Variants in COL5A1 observed in about 807,000 individuals in gnomAD.
The protein encoded by COL5A1 is collagen alpha-1(V) chain.
COL5A1 carries 16 observed loss-of-function variants against 263.7 expected under a neutral mutation model. That is an observed-to-expected ratio of 0.06 (90% CI 0.04 to 0.09). COL5A1 has a LOEUF of 0.09. COL5A1 is among the 10% of genes least tolerant of loss of function. The pLI is 1.00. For missense variants in COL5A1, 2,036 were observed against 2,540.5 expected (o/e 0.80, Z 4.27); for synonymous variants, 1,012 against 1,004.5 (o/e 1.01, Z -0.14).
intron 9 of COL5A1, 133 bp from the exon 10 acceptor site, chr9:134,738,341 G>T (rs1227098283): frequency 2.1e-6 from 2 of 969,282 alleles, no homozygotes; most frequent in East Asian, 4.9e-5. Flanking sequence ...GTCTGTGCTC[G>T]TGACTCCCCA....
intron 28 of COL5A1, 68 bp downstream of exon 28, chr9:134,780,214 C>G: frequency 6.8e-7 from 1 of 1,466,942 alleles, no homozygotes; most frequent in Non-Finnish European, 9.6e-7. Flanking sequence ...CAGCGGGGCC[C>G]TCCCACAATG....
rs537858864 is a variant in COL5A1, at chr9:134,842,911, G to A, written c.*608G>A. ...ATATTTGTATTGTATTGTTATAAATGTTAAGTGTGCCTGGCTTTCAATCAT... is the reference window on the plus strand; with the variant it reads ...ATATTTGTATTGTATTGTTATAAATATTAAGTGTGCCTGGCTTTCAATCAT... On this transcript the variant is annotated 3_prime_UTR_variant, in exon 66 of 66. Coordinates refer to ENST00000371817, the MANE Select transcript of COL5A1 (RefSeq NM_000093.5). This position sits in a 1 kb window ranked among gnomAD's most constrained non-coding sequence, Gnocchi z 5.8. The A allele has an allele frequency of 4.3e-4, 67 of 157,622 alleles. No individual in the cohort carries two copies. In the South Asian group the frequency reaches 0.01, roughly 24 times the overall value. The allele number at this position is 157,622 out of a possible 1,614,324, so 9.8% of individuals were successfully genotyped here. A position where few individuals can be genotyped will look rare whatever the true frequency, so the allele number is the denominator to read the frequency against.
At chr9:134,831,956 G>A (rs1017318463) in intron 64 of COL5A1, among the ~76,000 whole-genome samples, 1 of 152,040 alleles carries the variant, frequency 6.6e-6, no homozygotes, top group African/African-American at 2.4e-5. Flanking sequence ...GGTAGATGGG[G>A]GCCTCTCAAA....
At chr9:134,759,899 A>ACC (rs1836236415) in intron 18 of COL5A1, among the ~76,000 whole-genome samples, 1 of 89,884 alleles carries the variant, frequency 1.1e-5, no homozygotes. Flanking sequence ...GCACACACAC[A>ACC]CCCATGCACC....
rs1830169727 is a variant in COL5A1 at position 134,843,793 on chromosome 9, G to A, written c.*1490G>A. 6.6e-6 allele frequency: 1 copy of A among 152,664 alleles called. No homozygotes were observed. The highest frequency in any genetic ancestry group is 6.5e-5 in the Admixed American group (1 of 15,290). 9.5% of individuals were successfully genotyped at this position (152,664 alleles called of 1,614,324 possible). ...CTCGGTAGATGGAGTAATGTACAAT[G>A]AACTCCATGAGTCTCTCCAGGGCTG... On this transcript the variant is annotated 3_prime_UTR_variant, in exon 66 of 66. Coordinates refer to ENST00000371817, the MANE Select transcript of COL5A1 (RefSeq NM_000093.5).
At position 134,759,443 on chromosome 9, in the gene COL5A1, ACACC is replaced by A. The variant is rs200736444; in HGVS notation, c.1935+1151_1935+1154del. Among the ~76,000 whole-genome samples, 830 of 110,194 alleles carry A rather than the reference ACACC, an allele frequency of 7.5e-3. 42 individuals carry two copies. Among genetic ancestry groups the A allele is most frequent in the African/African-American group, 0.037 (748 of 20,164 alleles). 72.3% of individuals were successfully genotyped at this position (110,194 alleles called of 152,430 possible). A position where few individuals can be genotyped will look rare whatever the true frequency, so the allele number is the denominator to read the frequency against. ...CACTCATACACACATGCACACACCC[ACACC>A]CACACACTCATACATGCACGCACAC... On this transcript the variant is annotated intron_variant, in intron 18 of 65. Transcript: ENST00000371817.
Position 134,647,703 on chromosome 9 carries a change from C to T in COL5A1, c.109+5407C>T, listed in dbSNP as rs1204814446. 3.9e-5 allele frequency among the ~76,000 whole-genome samples: 6 copies of T among 152,194 alleles called. No individual in the cohort carries two copies. Among genetic ancestry groups the T allele is most frequent in the Non-Finnish European group, 7.3e-5 (5 of 68,036 alleles). ...GGTTCTGCCGCAGGGCAAGCCGGGT[C>T]CAGCTGGATCCGACAATTTCATGTC... On this transcript the variant is annotated intron_variant, in intron 1 of 65. Coordinates refer to ENST00000371817, the MANE Select transcript of COL5A1 (RefSeq NM_000093.5). This position sits in a 1 kb window ranked among gnomAD's most constrained non-coding sequence, Gnocchi z 5.0.
Position 134,765,786 on chromosome 9 carries a change from C to A in COL5A1, c.2088+52C>A. 1 of 1,500,064 alleles carries A rather than the reference C, an allele frequency of 6.7e-7. No homozygotes were observed. Among genetic ancestry groups the A allele is most frequent in the Non-Finnish European group, 9.2e-7 (1 of 1,086,262 alleles). The allele number at this position is 1,500,064 out of a possible 1,614,324, so 92.9% of individuals were successfully genotyped here. ...CTGCCCCCATCTCGGCCTTTGAGAC[C>A]CCGCCTCCCAGCCGGTGGACGCTTG... On this transcript the variant is annotated intron_variant, in intron 21 of 65. Coordinates refer to ENST00000371817, the MANE Select transcript of COL5A1 (RefSeq NM_000093.5). The surrounding 1 kb of genome is among the most constrained non-coding windows in gnomAD (Gnocchi z 5.1).
chr9:134,820,011 A>G, intron 57 of COL5A1, 105 bp from the exon 58 acceptor site: 3 of 876,604 alleles, frequency 3.4e-6, no homozygotes, highest in Non-Finnish European at 5.9e-6. Context: ...ACCATGATGT[A>G]AAGCTTCCTG....
intron 19 of COL5A1, among the ~76,000 whole-genome samples, chr9:134,763,239 G>A (rs930111169): frequency 6.6e-6 from 1 of 152,196 alleles, no homozygotes; most frequent in Non-Finnish European, 1.5e-5. Context: ...AGCCAGGGAG[G>A]CATTCCCTTC....
At position 134,773,527 on chromosome 9, in the gene COL5A1, G is replaced by A. The variant is rs535710905; in HGVS notation, c.2331+693G>A. Among the ~76,000 whole-genome samples, 10 of 152,330 alleles carry A rather than the reference G, an allele frequency of 6.6e-5. No homozygotes were observed. The South Asian group carries it at 1.7e-3, about 25-fold the overall frequency. On this transcript the variant is annotated intron_variant, in intron 26 of 65. Transcript: ENST00000371817. The stretch of plus-strand genomic sequence containing the variant: ...ACCGCACACCGAGCTCATGGTCGTC[G>A]GGAGCCTGGGGCTGAGGGCAGAGGC...
chr9:134,661,849 C>T (rs1832215814), intron 1 of COL5A1, among the ~76,000 whole-genome samples: 1 of 152,174 alleles, frequency 6.6e-6, no homozygotes, highest in Admixed American at 6.5e-5. Context: ...TTCCTCCGAC[C>T]GCTTCTTCCC....
At position 134,844,638 on chromosome 9, in the gene COL5A1, A is replaced by G. The variant is rs1304153882; in HGVS notation, c.*2335A>G. 1 of 152,266 alleles carries G rather than the reference A, an allele frequency of 6.6e-6. No homozygotes were observed. The highest frequency in any genetic ancestry group is 1.5e-5 in the Non-Finnish European group (1 of 68,044). The allele number at this position is 152,266 out of a possible 1,614,324, so 9.4% of individuals were successfully genotyped here. ...AAAAAAATGGTAAGCAAAAAACCCA[A>G]GATAAAGTTTCGAGGACATCAGGCC... On this transcript the variant is annotated 3_prime_UTR_variant, in exon 66 of 66. Coordinates refer to ENST00000371817, the MANE Select transcript of COL5A1 (RefSeq NM_000093.5).
intron 11 of COL5A1, among the ~76,000 whole-genome samples, chr9:134,748,808 G>A (rs868132064): frequency 6.6e-6 from 1 of 152,198 alleles, no homozygotes; most frequent in South Asian, 2.1e-4. Flanking sequence ...CCAATCCAAC[G>A]TGCATCGGCA....
chr9:134,785,243 C>G (rs993386393), intron 30 of COL5A1, 147 bp downstream of exon 30: 3 of 638,244 alleles, frequency 4.7e-6, no homozygotes, highest in African/African-American at 3.6e-5. Flanking sequence ...CCTGGGTTCT[C>G]TCTGCTGTTC....
intron 1 of COL5A1, among the ~76,000 whole-genome samples, chr9:134,687,386 C>G (rs1472390274): frequency 6.6e-6 from 1 of 152,158 alleles, no homozygotes; most frequent in African/African-American, 2.4e-5. Flanking sequence ...GGCCAAGGCA[C>G]AGCAGGACAC....
At chr9:134,832,526 G>A (rs911722717) in intron 64 of COL5A1, among the ~76,000 whole-genome samples, 2 of 152,232 alleles carry the variant, frequency 1.3e-5, no homozygotes, top group African/African-American at 4.8e-5. Flanking sequence ...GGGCCTCACT[G>A]TGGGACCCTG....
At position 134,756,691 on chromosome 9, in the gene COL5A1, C is replaced by T. The variant is rs368039536; in HGVS notation, c.1828-74C>T. Reference sequence around the variant, plus strand: ...TGGTGGAACGCTCAACTTGGTTTAACGGAAAACCATGGCCCGGGGGTCTCA... The same window carrying T: ...TGGTGGAACGCTCAACTTGGTTTAATGGAAAACCATGGCCCGGGGGTCTCA... On this transcript the variant is annotated intron_variant, in intron 16 of 65. Transcript: ENST00000371817. 3,240 of 1,519,662 alleles carry T rather than the reference C, an allele frequency of 2.1e-3. 12 individuals are homozygous for T. Among genetic ancestry groups the T allele is most frequent in the Non-Finnish European group, 2.6e-3 (2,826 of 1,094,174 alleles). The allele number at this position is 1,519,662 out of a possible 1,614,324, so 94.1% of individuals were successfully genotyped here.
chr9:134,693,909 G>T (rs1366376976), intron 2 of COL5A1, among the ~76,000 whole-genome samples: 1 of 152,162 alleles, frequency 6.6e-6, no homozygotes, highest in South Asian at 2.1e-4. Context: ...CAGCCTAAGC[G>T]CTAGGGGAGC....
Sources: gnomAD v4.1 joint callset for allele counts (sites outside exome capture counted in the v4.1 genomes callset) on GRCh38, gnomAD v4.1.1 for gene constraint, Gnocchi (gnomAD v3.1) non-coding constraint, MANE v1.5 for transcripts, NCBI Gene and HGNC (gene_info 2026-07-23, HGNC 2026-07-21) for gene names.